Variants in ADAMTS19 observed in about 807,000 individuals in gnomAD.
ADAMTS19 encodes A disintegrin and metalloproteinase with thrombospondin motifs 19.
ADAMTS19 carries 93 observed loss-of-function variants against 153.3 expected under a neutral mutation model. The ratio of observed to expected loss-of-function variants is 0.61; its 90% confidence interval spans 0.51 to 0.72. The LOEUF (loss-of-function observed/expected upper bound fraction) is 0.72. Among genes scored for constraint, ADAMTS19 ranks in the 30% least tolerant of loss-of-function variants. The pLI is 0.00. For synonymous variants in ADAMTS19, 600 were observed against 556.6 expected (o/e 1.08, Z -1.10); for missense variants, 1,482 against 1,552.1 (o/e 0.95, Z 0.76).
intron 15 of ADAMTS19, among the ~76,000 whole-genome samples, chr5:129,661,942 G>C (rs1031251248): frequency 2.0e-5 from 3 of 152,128 alleles, no homozygotes; most frequent in African/African-American, 7.2e-5. Context: ...GTGAATTATA[G>C]CAGGAAGTGA....
Position 129,658,688 on chromosome 5 carries a change from A to G in ADAMTS19, c.2376A>G (p.Gly792=), listed in dbSNP as rs552521438. 1 of 1,613,032 alleles carries G rather than the reference A, an allele frequency of 6.2e-7. No homozygotes were observed. The part of the protein sequence containing the change: ...EDHCGVCNGN[G]KSCKIIKGDF... ...ATTGTGGTGTATGCAATGGCAATGG[A>G]AAATCATGCAAGATCATTAAAGGGG... Residue 792 remains glycine (G), a synonymous_variant, in exon 15 of 23, where the codon GGA becomes GGG. Transcript: ENST00000274487.
chr5:129,723,496 C>G (rs1477273385), intron 21 of ADAMTS19, among the ~76,000 whole-genome samples: 1 of 152,110 alleles, frequency 6.6e-6, no homozygotes, highest in Non-Finnish European at 1.5e-5. Flanking sequence ...ATTTGAGCTT[C>G]TCATTTACTA....
intron 10 of ADAMTS19, among the ~76,000 whole-genome samples, chr5:129,635,891 A>AATTT (rs1034897086): frequency 5.9e-5 from 9 of 152,042 alleles, no homozygotes; most frequent in African/African-American, 9.7e-5. Flanking sequence ...TTAAACGTTC[A>AATTT]ATTTATTTAT....
At chr5:129,658,337 G>GAA (rs1305719168) in intron 14 of ADAMTS19, among the ~76,000 whole-genome samples, 1 of 105,416 alleles carries the variant, frequency 9.5e-6, no homozygotes, top group African/African-American at 3.0e-5. Context: ...AAGAAAGAAA[G>GAA]AAAGAAAGAA....
At chr5:129,664,210 A>G (rs902556513) in intron 15 of ADAMTS19, among the ~76,000 whole-genome samples, 2 of 152,216 alleles carry the variant, frequency 1.3e-5, no homozygotes, top group African/African-American at 2.4e-5. Flanking sequence ...ATCATTTTGC[A>G]TATTACCTTT....
intron 2 of ADAMTS19, among the ~76,000 whole-genome samples, chr5:129,486,006 G>T (rs1435214313): frequency 6.6e-6 from 1 of 152,038 alleles, no homozygotes; most frequent in East Asian, 1.9e-4. Context: ...GGCCAGGCTG[G>T]TGTCAAACTC....
chr5:129,619,512 T>C (rs941408279), intron 8 of ADAMTS19, among the ~76,000 whole-genome samples: 3 of 152,130 alleles, frequency 2.0e-5, no homozygotes, highest in Admixed American at 6.6e-5. Flanking sequence ...AATAATGATG[T>C]CGAAGAATAT....
intron 17 of ADAMTS19, among the ~76,000 whole-genome samples, chr5:129,683,394 G>A (rs914908113): frequency 6.6e-6 from 1 of 150,928 alleles, no homozygotes; most frequent in East Asian, 1.9e-4. Context: ...GTATTTTTAT[G>A]GTTTATTGAA....
At chr5:129,622,141 A>G in intron 9 of ADAMTS19, 57 bp from the exon 10 acceptor site, 2 of 1,581,806 alleles carry the variant, frequency 1.3e-6, no homozygotes, top group Non-Finnish European at 8.7e-7. Flanking sequence ...ATGCTAACCA[A>G]TCATATCAGC....
chr5:129,467,646 C>A (rs76714532), intron 2 of ADAMTS19, among the ~76,000 whole-genome samples: 2,605 of 152,250 alleles, frequency 0.017, 73 homozygotes, highest in African/African-American at 0.06. Context: ...GATCAGGTAA[C>A]TTCAGGATTC....
At chr5:129,647,713 G>A in intron 11 of ADAMTS19, 52 bp from the exon 12 acceptor site, 2 of 1,578,812 alleles carry the variant, frequency 1.3e-6, no homozygotes, top group Non-Finnish European at 1.7e-6. Context: ...GCCAGCGAAT[G>A]ATTTTCAGTT....
chr5:129,542,369 T>A (rs1752685388), intron 6 of ADAMTS19, among the ~76,000 whole-genome samples: 1 of 152,100 alleles, frequency 6.6e-6, no homozygotes, highest in South Asian at 2.1e-4. Flanking sequence ...TATGATGCAA[T>A]AGAAGGTGAT....
chr5:129,589,963 C>G (rs2126904788), intron 7 of ADAMTS19, among the ~76,000 whole-genome samples: 1 of 152,194 alleles, frequency 6.6e-6, no homozygotes, highest in South Asian at 2.1e-4. Flanking sequence ...TACTGATGTT[C>G]ATGTGCTCAC....
chr5:129,630,608 T>C (rs1752244208), intron 10 of ADAMTS19, among the ~76,000 whole-genome samples: 1 of 152,046 alleles, frequency 6.6e-6, no homozygotes, highest in Admixed American at 6.6e-5. Flanking sequence ...AAATGTATTA[T>C]TGACCTAAAT....
intron 21 of ADAMTS19, among the ~76,000 whole-genome samples, chr5:129,708,663 T>C (rs1180819334): frequency 6.6e-6 from 1 of 150,892 alleles, no homozygotes; most frequent in Admixed American, 6.6e-5. Context: ...ATTTATGAAG[T>C]TTTATAGAGT....
At chr5:129,644,934 T>A (rs1319807099) in intron 11 of ADAMTS19, among the ~76,000 whole-genome samples, 3 of 152,216 alleles carry the variant, frequency 2.0e-5, no homozygotes, top group African/African-American at 7.2e-5. Context: ...ACAGTCACAA[T>A]GTGCATATGT....
At chr5:129,599,769 T>C (rs1750557896) in intron 8 of ADAMTS19, among the ~76,000 whole-genome samples, 1 of 152,152 alleles carries the variant, frequency 6.6e-6, no homozygotes, top group South Asian at 2.1e-4. Context: ...ATAGCTCAAA[T>C]GGTACGAAAA....
chr5:129,529,004 T>G (rs757935730), intron 6 of ADAMTS19, among the ~76,000 whole-genome samples: 3 of 152,088 alleles, frequency 2.0e-5, no homozygotes, highest in East Asian at 1.9e-4. Context: ...GTAGACTGTA[T>G]GTTTTTCAGT....
intron 7 of ADAMTS19, among the ~76,000 whole-genome samples, chr5:129,595,027 TA>T (rs542093618): frequency 4.7e-4 from 72 of 152,152 alleles, no homozygotes; most frequent in East Asian, 2.9e-3. Flanking sequence ...TGTAAAGATA[TA>T]AAAAAAACTA....
Sources: gnomAD v4.1 joint callset for allele counts (sites outside exome capture counted in the v4.1 genomes callset) on GRCh38, gnomAD v4.1.1 for gene constraint, MANE v1.5 for transcripts, NCBI Gene and HGNC (gene_info 2026-07-23, HGNC 2026-07-21) for gene names.